The following SUMF1 variants were observed in gnomAD, a reference collection of about 807,000 sequenced individuals.
SUMF1 encodes the protein formylglycine-generating enzyme.
A neutral mutation model predicts 47.6 loss-of-function variants in SUMF1; 48 were observed. The ratio of observed to expected loss-of-function variants is 1.01; its 90% CI spans 0.80 to 1.28. SUMF1 has a LOEUF of 1.28. Among genes scored for constraint, SUMF1 ranks in the 50% most tolerant of loss-of-function variants. The pLI, the probability that SUMF1 is intolerant of heterozygous loss-of-function variation, is 0.00. For missense variants in SUMF1, 571 were observed against 485.4 expected, an observed-to-expected ratio of 1.18 and a Z score of -1.66; for synonymous variants, 230 against 192.1, an observed-to-expected ratio of 1.20 and a Z score of -1.63.
chr3:4,452,631 C>T (rs1703011233), intron 2 of SUMF1, among the ~76,000 whole-genome samples: 1 of 152,206 alleles, frequency 6.6e-6, no homozygotes, highest in African/African-American at 2.4e-5. Context: ...AATCCCAGCT[C>T]TACCACCAAC....
chr3:4,456,349 G>C (rs755499499), intron 1 of SUMF1, among the ~76,000 whole-genome samples: 3 of 151,842 alleles, frequency 2.0e-5, no homozygotes, highest in Non-Finnish European at 2.9e-5. Flanking sequence ...TGTAATACCG[G>C]ACATACTAGA....
At chr3:4,079,877 C>T (rs1436997072) in intron 8 of SUMF1, among the ~76,000 whole-genome samples, 1 of 151,390 alleles carries the variant, frequency 6.6e-6, no homozygotes, top group Non-Finnish European at 1.5e-5. Flanking sequence ...GGGGCTTTCC[C>T]AAAATCACAT....
intron 9 of SUMF1, among the ~76,000 whole-genome samples, chr3:4,063,897 G>A (rs1198855855): frequency 3.3e-5 from 5 of 152,112 alleles, no homozygotes. Flanking sequence ...TAGATTGGTA[G>A]CTTAGAAATA....
At chr3:4,204,743 C>T (rs977385686) in intron 8 of SUMF1, among the ~76,000 whole-genome samples, 10 of 151,988 alleles carry the variant, frequency 6.6e-5, no homozygotes, top group South Asian at 4.2e-4. Flanking sequence ...TTCTTTCTTC[C>T]GCTTGATCCA....
rs1285423967 is a variant in SUMF1, at chr3:4,306,547, G to C, written c.1014+69783C>G. Among the ~76,000 whole-genome samples, 3 of 152,184 alleles carry C rather than the reference G, an allele frequency of 2.0e-5. No individual in the cohort carries two copies. The East Asian group carries it at 5.8e-4, about 29-fold the overall frequency. ...ATATGCACAGCTCCCAATAAAGTTA[G>C]AGTTACAAAAATAAGACAGGATGCC... On this transcript the variant is annotated intron_variant and NMD_transcript_variant, in intron 8 of 12. Coordinates refer to the SUMF1 transcript ENST00000448413.
At chr3:4,340,033 G>A (rs749243870) in intron 8 of SUMF1, among the ~76,000 whole-genome samples, 2 of 151,956 alleles carry the variant, frequency 1.3e-5, no homozygotes, top group African/African-American at 2.4e-5. Context: ...AGCCAAGATC[G>A]CACCACTGCA....
chr3:4,140,101 C>A (rs1694039232), intron 8 of SUMF1, among the ~76,000 whole-genome samples: 1 of 152,026 alleles, frequency 6.6e-6, no homozygotes, highest in South Asian at 2.1e-4. Context: ...CATCCTAACT[C>A]TAATCCTAAT....
In SUMF1 at chr3:4,136,647, C is replaced by T. The variant is rs865935997; in HGVS notation, c.1015-67902G>A. Among the ~76,000 whole-genome samples the T allele has an allele frequency of 7.4e-3, 1,111 of 149,576 alleles. 17 individuals are homozygous for T. Among genetic ancestry groups the T allele is most frequent in the African/African-American group, 0.021 (828 of 39,568 alleles). ...GGATCTAATTAAACTAAAGAGCTTCCGCACAGCAAAAGAAACTACCATCAG... is the reference window on the plus strand; with the variant it reads ...GGATCTAATTAAACTAAAGAGCTTCTGCACAGCAAAAGAAACTACCATCAG... On this transcript the variant is annotated intron_variant and NMD_transcript_variant, in intron 8 of 12. Coordinates refer to the SUMF1 transcript ENST00000448413.
chr3:4,439,844 C>T (rs1313148371), intron 3 of SUMF1, among the ~76,000 whole-genome samples: 2 of 151,916 alleles, frequency 1.3e-5, no homozygotes, highest in African/African-American at 4.8e-5. Flanking sequence ...GAAGCCACTG[C>T]ACCCAGCCAA....
chr3:4,357,413 A>G (rs1575125732), downstream of SUMF1, among the ~76,000 whole-genome samples: 2 of 151,930 alleles, frequency 1.3e-5, no homozygotes, highest in Admixed American at 6.6e-5. Flanking sequence ...CTATTTGGAA[A>G]AGGTGATTAG....
At chr3:4,099,936 T>C (rs3913296) in intron 8 of SUMF1, among the ~76,000 whole-genome samples, 7,593 of 151,416 alleles carry the variant, frequency 0.05, 522 homozygotes, top group East Asian at 0.16. Context: ...AAAACACAGA[T>C]GAAAGAAATA....
At chr3:4,088,812 C>T (rs1183216830) in intron 8 of SUMF1, among the ~76,000 whole-genome samples, 1 of 152,064 alleles carries the variant, frequency 6.6e-6, no homozygotes, top group Non-Finnish European at 1.5e-5. Flanking sequence ...ATTTCCCCAC[C>T]TGACTCAATA....
At chr3:4,319,494 T>C (rs1329319886) in intron 8 of SUMF1, among the ~76,000 whole-genome samples, 2 of 152,178 alleles carry the variant, frequency 1.3e-5, no homozygotes, top group Non-Finnish European at 2.9e-5. Flanking sequence ...TATTTCGATG[T>C]GGTGATCTGG....
intron 8 of SUMF1, among the ~76,000 whole-genome samples, chr3:4,142,892 G>T (rs1484194734): frequency 6.6e-6 from 1 of 151,910 alleles, no homozygotes. Flanking sequence ...GCTCCAAAAG[G>T]ATCCACAATC....
At chr3:4,417,306 G>A in intron 5 of SUMF1, 64 bp from the exon 6 acceptor site, 1 of 1,349,166 alleles carries the variant, frequency 7.4e-7, no homozygotes, top group Non-Finnish European at 1.1e-6. Flanking sequence ...AAAGTCAAGA[G>A]AAGGGATGCA....
chr3:4,228,239 C>A (rs1028126058), intron 8 of SUMF1, among the ~76,000 whole-genome samples: 1 of 151,962 alleles, frequency 6.6e-6, no homozygotes, highest in African/African-American at 2.4e-5. Flanking sequence ...TTATTTAAGT[C>A]AAAATTAATT....
At chr3:4,113,307 T>C (rs1044668547) in intron 8 of SUMF1, among the ~76,000 whole-genome samples, 5 of 152,074 alleles carry the variant, frequency 3.3e-5, no homozygotes, top group Non-Finnish European at 5.9e-5. Context: ...GGCAGGAGGA[T>C]TGCTTGAGGC....
At position 4,156,581 on chromosome 3, in the gene SUMF1, C is replaced by G. The variant is rs1417085405; in HGVS notation, c.1015-87836G>C. ...TGACCACTTCTACCTTGTCACCAAGCTAAAAACTGTTTAGTTTTCTGGGTG... is the reference window on the plus strand; with the variant it reads ...TGACCACTTCTACCTTGTCACCAAGGTAAAAACTGTTTAGTTTTCTGGGTG... On this transcript the variant is annotated intron_variant and NMD_transcript_variant, in intron 8 of 12. Transcript: ENST00000448413. Among the ~76,000 whole-genome samples the G allele has an allele frequency of 1.1e-4, 17 of 151,570 alleles. 1 individual carries two copies. Among genetic ancestry groups the G allele is most frequent in the Non-Finnish European group, 2.1e-4 (14 of 68,004 alleles).
At chr3:4,124,074 T>C (rs1429630731) in intron 8 of SUMF1, among the ~76,000 whole-genome samples, 1 of 152,144 alleles carries the variant, frequency 6.6e-6, no homozygotes, top group Non-Finnish European at 1.5e-5. Context: ...AAACAAGAGG[T>C]TGTGAATAAA....
Sources: gnomAD v4.1 joint callset for allele counts (sites outside exome capture counted in the v4.1 genomes callset) on GRCh38, gnomAD v4.1.1 for gene constraint, MANE v1.5 for transcripts, NCBI Gene and HGNC (gene_info 2026-07-23, HGNC 2026-07-21) for gene names.